The following TTN variants were observed in gnomAD, a reference collection of about 807,000 sequenced individuals.
TTN encodes the protein titin.
In TTN, 1,525 loss-of-function variants were observed where a neutral mutation model predicts 3,223.0. That is an observed-to-expected ratio of 0.47 (90% CI 0.45 to 0.49). The LOEUF (loss-of-function observed/expected upper bound fraction) is 0.49. Among genes scored for constraint, TTN ranks in the 20% least tolerant of loss-of-function variants. The pLI, the probability that TTN is intolerant of heterozygous loss-of-function variation, is 0.00. For synonymous variants in TTN, 14,094 were observed against 15,161.0 expected (o/e 0.93, Z 5.17); for missense variants, 40,786 against 43,424.0 (o/e 0.94, Z 5.40).
In TTN at chr2:178,710,828, T is replaced by C. The variant is rs550056960; in HGVS notation, c.28269A>G (p.Thr9423=). ...SADFECHVTG[T]QPIKVSWAKD... ...TGGCCCAGCTGACCTTTATCGGTTG[T>C]GTGCCCGTGACGTGGCACTCAAAGT... The change falls in exon 98 of 363, where the codon ACA becomes ACG. Residue 9423 remains threonine (T), a synonymous_variant. Coordinates refer to ENST00000589042, the MANE Select transcript of TTN (RefSeq NM_001267550.2). 7.4e-6 allele frequency: 12 copies of C among 1,613,926 alleles called. No homozygotes were observed. The African/African-American group carries it at 1.3e-4, about 18-fold the overall frequency.
At chr2:178,632,851 A>T in intron 234 of TTN, 59 bp from the exon 235 acceptor site, 1 of 1,610,534 alleles carries the variant, frequency 6.2e-7, no homozygotes, top group East Asian at 2.2e-5. Flanking sequence ...ACCCTTGATC[A>T]ATGCAGGGGT....
intron 223 of TTN, 151 bp downstream of exon 223, chr2:178,639,548 A>G (rs2060949358): frequency 1.3e-6 from 1 of 796,136 alleles, no homozygotes; most frequent in Admixed American, 2.1e-5. Flanking sequence ...AGGATATCAC[A>G]TGAAGAAAAG....
At chr2:178,707,052 T>A in intron 100 of TTN, 98 bp from the exon 101 acceptor site, 1 of 1,046,902 alleles carries the variant, frequency 9.6e-7, no homozygotes, top group East Asian at 2.6e-5. Context: ...GGCAGTTTGA[T>A]AAGTAAGTAC....
Position 178,566,038 on chromosome 2 carries a change from A to G in TTN, c.80094T>C (p.Asp26698=). 1 of 1,613,526 alleles carries G rather than the reference A, an allele frequency of 6.2e-7. No individual in the cohort carries two copies. Among genetic ancestry groups the G allele is most frequent in the South Asian group, 1.1e-5 (1 of 91,072 alleles). The change falls in exon 326 of 363, where the codon GAT becomes GAC. Residue 26698 remains aspartate (D), a synonymous_variant. Transcript: ENST00000589042. ...GTGGCTCCCATACCAGGAAGGCAGA[A>G]TCTTTTCTCACTTCTTTGACTGCCA... is the stretch of plus-strand genomic sequence containing the variant. ...QNLAVKEVRK[D]SAFLVWEPPI... is the part of the protein sequence containing the mutation.
chr2:178,575,692 T>C lies in TTN; in HGVS notation c.70440A>G (p.Lys23480=), dbSNP rs1434448913. 6.2e-7 allele frequency: 1 copy of C among 1,613,570 alleles called. No homozygotes were observed. Among genetic ancestry groups the C allele is most frequent in the Non-Finnish European group, 8.5e-7 (1 of 1,179,646 alleles). The part of the protein sequence containing the change: ...YIVEKREATR[K]SYSTATTKCH... ...ACTTAGTGGTGGCTGTGGAATAAGA[T>C]TTCCGTGTTGCTTCACGTTTCTCTA... The change falls in exon 326 of 363, where the codon AAA becomes AAG. Residue 23480 remains lysine (K), a synonymous_variant. Transcript: ENST00000589042. This position sits in a 1 kb window ranked among gnomAD's most constrained non-coding sequence, Gnocchi z 4.0.
intron 257 of TTN, among the ~76,000 whole-genome samples, chr2:178,616,010 T>C (rs2057269554): frequency 6.6e-6 from 1 of 151,962 alleles, no homozygotes; most frequent in African/African-American, 2.4e-5. Context: ...TGAAAAAAGA[T>C]GGCAAATGAG....
intron 250 of TTN, chr2:178,619,349 C>G: frequency 2.0e-6 from 1 of 505,390 alleles, no homozygotes; most frequent in Non-Finnish European, 3.5e-6. Flanking sequence ...TGCCAAGACT[C>G]TCAGGGTGAT....
At position 178,551,892 on chromosome 2, in the gene TTN, C is replaced by A; in HGVS notation, c.91008G>T (p.Val30336=). The A allele has an allele frequency of 1.2e-6, 2 of 1,613,874 alleles. No individual in the cohort carries two copies. Among genetic ancestry groups the A allele is most frequent in the South Asian group, 2.2e-5 (2 of 91,082 alleles). The change falls in exon 335 of 363, where the codon GTG becomes GTT. Residue 30336 remains valine, a synonymous_variant. Coordinates refer to ENST00000589042, the MANE Select transcript of TTN (RefSeq NM_001267550.2). ...GPPGKPVIYN[V]TSDGMSLTWD... ...AAGTTAGTGACATGCCATCAGAAGT[C>A]ACATTGTATATAACTGGCTTTCCTG...
chr2:178,795,300 A>T, intron 6 of TTN, 48 bp from the exon 7 acceptor site: 3 of 1,570,290 alleles, frequency 1.9e-6, no homozygotes, highest in Non-Finnish European at 2.6e-6. Flanking sequence ...AAGGAGGGGT[A>T]ACTGGATGTG....
chr2:178,608,662 C>G lies in TTN; in HGVS notation c.52349G>C (p.Arg17450Thr). 1 of 1,612,050 alleles carries G rather than the reference C, an allele frequency of 6.2e-7. No homozygotes were observed. The highest frequency in any genetic ancestry group is 8.5e-7 in the Non-Finnish European group (1 of 1,178,990). Residue 17450 changes from arginine (R) to threonine (T), a missense_variant, in exon 274 of 363, where the codon AGA (arginine) becomes ACA (threonine). Transcript: ENST00000589042. ...AACACATGGTGGACCTGGCCCAAAT[C>G]TGTTTTCAGCTCTTACACGGAAGAG... ...EYLFRVRAEN[R>T]FGPGPPCVSK...
rs1469009599 is a variant in TTN at position 178,773,241 on chromosome 2, T to A, written c.7723A>T (p.Ser2575Cys). 6.2e-7 allele frequency: 1 copy of A among 1,613,822 alleles called. No individual in the cohort carries two copies. The highest frequency in any genetic ancestry group is 2.2e-5 in the East Asian group (1 of 44,824). Residue 2575 changes from serine to cysteine, a missense_variant, in exon 33 of 363, where the codon AGT becomes TGT. Ser to Cys is a moderately radical substitution (Grantham distance 112). Coordinates refer to ENST00000589042, the MANE Select transcript of TTN (RefSeq NM_001267550.2). ...TGTGCTTCAATTTTATATTTAGAAC[T>A]GGGCTTGATTTCCTTGTCCTTAAAA... The part of the protein sequence containing the change: ...WNFKDKEIKP[S>C]SKYKIEAHGK...
chr2:178,630,093 G>T, intron 239 of TTN, 148 bp downstream of exon 239: 2 of 1,139,158 alleles, frequency 1.8e-6, no homozygotes, highest in Non-Finnish European at 2.5e-6. Context: ...CTTCTGTATT[G>T]GAATGTCAAA....
At position 178,535,956 on chromosome 2, in the gene TTN, C is replaced by A. The variant is rs1406678308; in HGVS notation, c.100765+26G>T. 2.0e-6 allele frequency: 3 copies of A among 1,522,882 alleles called. No homozygotes were observed. The South Asian group carries it at 4.0e-5, about 20-fold the overall frequency. 94.3% of individuals were successfully genotyped at this position (1,522,882 alleles called of 1,614,324 possible). A position where few individuals can be genotyped will look rare whatever the true frequency, so the allele number is the denominator to read the frequency against. ...AAGTTAATAACTCATTTAGCCTCAA[C>A]TTGATGATAATTTATTTATTTTTAC... On this transcript the variant is annotated intron_variant, in intron 357 of 362. Coordinates refer to ENST00000589042, the MANE Select transcript of TTN (RefSeq NM_001267550.2).
rs751512005 is a variant in TTN, at chr2:178,779,384, G to C, written c.3808C>G (p.Leu1270Val). The stretch of plus-strand genomic sequence containing the variant: ...TTTTCTTCTCCATCTTCTTCAAGAA[G>C]TTCTTCTAATGTAGTCTTTATTATT... ...YRIIKTTLEE[L>V]LEEDGEEKMA... Residue 1270 changes from leucine (L) to valine (V), a missense_variant, in exon 23 of 363, where the codon CTT becomes GTT. Coordinates refer to ENST00000589042, the MANE Select transcript of TTN (RefSeq NM_001267550.2). 2 of 1,603,350 alleles carry C rather than the reference G, an allele frequency of 1.2e-6. No homozygotes were observed. The highest frequency in any genetic ancestry group is 2.7e-5 in the African/African-American group (2 of 74,664).
Position 178,611,837 on chromosome 2 carries a change from A to C in TTN, c.50472T>G (p.Phe16824Leu). 6.2e-7 allele frequency: 1 copy of C among 1,613,042 alleles called. No individual in the cohort carries two copies. Among genetic ancestry groups the C allele is most frequent in the Non-Finnish European group, 8.5e-7 (1 of 1,179,328 alleles). The change falls in exon 268 of 363, where the codon TTT becomes TTG. Residue 16824 changes from phenylalanine to leucine, a missense_variant. Phe to Leu is a conservative substitution (Grantham distance 22). Transcript: ENST00000589042. ...CAGCTTCATTTTCAGCCCGAACCTG[A>C]AACTGGACCTCTGTTCCTTCGATGA... ...TDVIEGTEVQ[F>L]QVRAENEAGV...
At chr2:178,586,140 G>C (rs2048907234) in intron 308 of TTN, among the ~76,000 whole-genome samples, 1 of 152,070 alleles carries the variant, frequency 6.6e-6, no homozygotes, top group African/African-American at 2.4e-5. Flanking sequence ...CATTCTAACT[G>C]GTGTGAGATG....
rs137958656 is a variant in TTN at position 178,693,462 on chromosome 2, G to A, written c.31594+147C>T. ...CTGTGCCTTCCTCATGGTTCTTCCC[G>A]TCCCCCATCACATCCTTTGTACATA... On this transcript the variant is annotated intron_variant, in intron 119 of 362. Coordinates refer to ENST00000589042, the MANE Select transcript of TTN (RefSeq NM_001267550.2). 2.3e-3 allele frequency: 1,135 copies of A among 503,632 alleles called. 11 individuals are homozygous for A. Among genetic ancestry groups the A allele is most frequent in the African/African-American group, 0.02 (1,007 of 49,770 alleles). 31.2% of individuals were successfully genotyped at this position (503,632 alleles called of 1,614,324 possible). A position where few individuals can be genotyped will look rare whatever the true frequency, so the allele number is the denominator to read the frequency against.
At chr2:178,582,635 TG>T (rs1181523491) in intron 313 of TTN, 43 bp from the exon 314 acceptor site, 1 of 1,560,558 alleles carries the variant, frequency 6.4e-7, no homozygotes, top group East Asian at 2.3e-5. Context: ...GAATGGGGAA[TG>T]AGTATAGAGT....
intron 217 of TTN, 156 bp from the exon 218 acceptor site, chr2:178,644,772 C>A: frequency 1.9e-6 from 1 of 533,262 alleles, no homozygotes; most frequent in Non-Finnish European, 3.2e-6. Context: ...AAGCAGCATT[C>A]GAACCATGAA....
Sources: allele counts gnomAD v4.1 joint callset (sites outside exome capture counted in the v4.1 genomes callset), GRCh38; gene constraint gnomAD v4.1.1; non-coding constraint Gnocchi (gnomAD v3.1); transcripts MANE v1.5; gene names NCBI Gene and HGNC (gene_info 2026-07-23, HGNC 2026-07-21).